The following PGCKA1 variants were observed in gnomAD, a reference collection of about 807,000 sequenced individuals.
The protein encoded by PGCKA1 is PDCD10 and GCKIII kinases associated 1.
chr4:37,502,021 G>A, the PGCKA1 span, among the ~76,000 whole-genome samples: 1 of 152,186 alleles, frequency 6.6e-6, no homozygotes, highest in South Asian at 2.1e-4. Flanking sequence ...CTCCTAGACT[G>A]CATGCCCTAA....
At chr4:37,517,363 C>T in the PGCKA1 span, among the ~76,000 whole-genome samples, 7 of 150,334 alleles carry the variant, frequency 4.7e-5, no homozygotes, top group Admixed American at 1.3e-4. Flanking sequence ...ACAGAAAATA[C>T]GGTATATTTT....
chr4:37,576,601 G>A, the PGCKA1 span, among the ~76,000 whole-genome samples: 1 of 152,000 alleles, frequency 6.6e-6, no homozygotes, highest in Non-Finnish European at 1.5e-5. Context: ...CTCTAGCTAG[G>A]ACTTCTAGTA....
At chr4:37,530,910 G>A in the PGCKA1 span, among the ~76,000 whole-genome samples, 13 of 150,826 alleles carry the variant, frequency 8.6e-5, no homozygotes, top group African/African-American at 2.7e-4. Context: ...GTTTGAACCC[G>A]GGAGGCAGAG....
At chr4:37,592,950 A>C in the PGCKA1 span, among the ~76,000 whole-genome samples, 1 of 152,218 alleles carries the variant, frequency 6.6e-6, no homozygotes, top group Non-Finnish European at 1.5e-5. Flanking sequence ...ATTTAGTATA[A>C]AACATGATTT....
the PGCKA1 span, chr4:37,591,046 T>C: frequency 1.3e-6 from 2 of 1,513,208 alleles, no homozygotes; most frequent in Non-Finnish European, 9.0e-7. Flanking sequence ...ATGCTGAGCA[T>C]GCAGATGCAT....
the PGCKA1 span, among the ~76,000 whole-genome samples, chr4:37,492,179 T>C: frequency 6.6e-6 from 1 of 152,060 alleles, no homozygotes; most frequent in Non-Finnish European, 1.5e-5. This position sits in a 1 kb window ranked among gnomAD's most constrained non-coding sequence, Gnocchi z 4.7. Flanking sequence ...GTAGCTGGGA[T>C]TACAGGTGTG....
chr4:37,480,886 A>C, the PGCKA1 span, among the ~76,000 whole-genome samples: 4 of 152,204 alleles, frequency 2.6e-5, no homozygotes, highest in Non-Finnish European at 5.9e-5. Flanking sequence ...TTTTTTATTA[A>C]GGTGAACTTT....
chr4:37,541,077 G>A, the PGCKA1 span, among the ~76,000 whole-genome samples: 1 of 143,872 alleles, frequency 7.0e-6, no homozygotes, highest in African/African-American at 2.6e-5. Context: ...ACCTTGACTA[G>A]CTCTATTTTT....
chr4:37,580,724 G>C, the PGCKA1 span, among the ~76,000 whole-genome samples: 2 of 152,122 alleles, frequency 1.3e-5, no homozygotes, highest in African/African-American at 2.4e-5. Flanking sequence ...CACAGCACTG[G>C]ATCTTACCCA....
chr4:37,494,474 G>A, the PGCKA1 span, among the ~76,000 whole-genome samples: 1 of 152,166 alleles, frequency 6.6e-6, no homozygotes, highest in African/African-American at 2.4e-5. Context: ...TTTTACACTT[G>A]CATAATATTC....
the PGCKA1 span, among the ~76,000 whole-genome samples, chr4:37,547,521 C>T: frequency 6.6e-6 from 1 of 152,066 alleles, no homozygotes; most frequent in Non-Finnish European, 1.5e-5. Flanking sequence ...TTACATGACA[C>T]CAGAAAAACT....
chr4:37,454,578 G>T, the PGCKA1 span, among the ~76,000 whole-genome samples: 2 of 152,202 alleles, frequency 1.3e-5, no homozygotes, highest in African/African-American at 4.8e-5. Flanking sequence ...GTAGGGGTGG[G>T]GGAAGAGGTC....
chr4:37,501,243 T>C, the PGCKA1 span, among the ~76,000 whole-genome samples: 1 of 152,066 alleles, frequency 6.6e-6, no homozygotes, highest in Non-Finnish European at 1.5e-5. Context: ...TCAGTACTGG[T>C]CCATGGCCTG....
the PGCKA1 span, among the ~76,000 whole-genome samples, chr4:37,569,045 C>G: frequency 6.7e-6 from 1 of 149,916 alleles, no homozygotes; most frequent in East Asian, 2.1e-4. Flanking sequence ...TGCAGTGAGC[C>G]GAGATGATGC....
the PGCKA1 span, among the ~76,000 whole-genome samples, chr4:37,542,452 G>T: frequency 6.6e-6 from 1 of 152,186 alleles, no homozygotes; most frequent in East Asian, 1.9e-4. Context: ...GAATCTATTT[G>T]CTAACAGACC....
At chr4:37,528,634 C>G in the PGCKA1 span, among the ~76,000 whole-genome samples, 1 of 152,102 alleles carries the variant, frequency 6.6e-6, no homozygotes, top group African/African-American at 2.4e-5. Flanking sequence ...AAAGCCAGCT[C>G]TTTTGCAATT....
the PGCKA1 span, among the ~76,000 whole-genome samples, chr4:37,530,717 C>T: frequency 1.3e-5 from 2 of 152,062 alleles, no homozygotes; most frequent in African/African-American, 4.8e-5. Context: ...TGGCTCACGC[C>T]TGTAAGCCCA....
chr4:37,464,660 C>T, the PGCKA1 span, among the ~76,000 whole-genome samples: 2 of 152,204 alleles, frequency 1.3e-5, no homozygotes, highest in South Asian at 4.1e-4. Context: ...ATATAAAAGC[C>T]ACACGAAATA....
the PGCKA1 span, chr4:37,588,465 T>C: frequency 6.0e-6 from 1 of 166,198 alleles, no homozygotes; most frequent in Non-Finnish European, 1.3e-5. Flanking sequence ...CTGCGTGCAG[T>C]GGGCCGTGCC....
Sources: gnomAD v4.1 joint callset for allele counts (sites outside exome capture counted in the v4.1 genomes callset) on GRCh38, gnomAD v4.1.1 for gene constraint, Gnocchi (gnomAD v3.1) non-coding constraint, MANE v1.5 for transcripts, NCBI Gene and HGNC (gene_info 2026-07-23, HGNC 2026-07-21) for gene names.